MYLK: variants seen among roughly 807,000 people sequenced by gnomAD.
MYLK encodes the protein myosin light chain kinase, smooth muscle.
A neutral mutation model predicts 203.4 loss-of-function variants in MYLK; 106 were observed. That is an observed-to-expected ratio of 0.52 (90% CI 0.45 to 0.61). MYLK has a LOEUF of 0.61. MYLK is among the 20% of genes least tolerant of loss of function. MYLK has a pLI of 0.00. For synonymous variants in MYLK, 867 were observed against 959.5 expected, an observed-to-expected ratio of 0.90 and a Z score of 1.78; for missense variants, 2,072 against 2,442.3, an observed-to-expected ratio of 0.85 and a Z score of 3.20.
intron 4 of MYLK, among the ~76,000 whole-genome samples, chr3:123,767,863 A>G (rs1486836902): frequency 1.3e-5 from 2 of 152,120 alleles, no homozygotes; most frequent in Non-Finnish European, 1.5e-5. Context: ...AGATGACTTT[A>G]TTTTGTGTTG....
chr3:123,682,165 T>G, intron 20 of MYLK, 59 bp downstream of exon 20: 1 of 1,381,222 alleles, frequency 7.2e-7, no homozygotes, highest in Non-Finnish European at 1.0e-6. Context: ...CTGCCCTCAG[T>G]CCCCGGGGTG....
At chr3:123,615,839 G>A (rs1404934195) in intron 33 of MYLK, among the ~76,000 whole-genome samples, 2 of 151,594 alleles carry the variant, frequency 1.3e-5, no homozygotes, top group East Asian at 1.9e-4. Flanking sequence ...TGTAGAGATA[G>A]GGTTTCACCA....
chr3:123,752,717 T>A (rs1002524750), intron 4 of MYLK, among the ~76,000 whole-genome samples, 179 bp from the exon 5 acceptor site: 4 of 152,098 alleles, frequency 2.6e-5, no homozygotes, highest in Non-Finnish European at 4.4e-5. Flanking sequence ...TTTCCCAAGG[T>A]CTCAAAGGTA....
chr3:123,789,210 T>C (rs1159055241), intron 4 of MYLK, among the ~76,000 whole-genome samples: 1 of 151,766 alleles, frequency 6.6e-6, no homozygotes, highest in Non-Finnish European at 1.5e-5. Flanking sequence ...CGCAGTCCTG[T>C]GCACTTCTCG....
chr3:123,840,037 G>A (rs1423237556), intron 2 of MYLK, among the ~76,000 whole-genome samples: 1 of 152,072 alleles, frequency 6.6e-6, no homozygotes, highest in Non-Finnish European at 1.5e-5. Flanking sequence ...AATTTGGGGG[G>A]ATGCAGGAAA....
chr3:123,725,592 A>G (rs1174010936), intron 12 of MYLK, among the ~76,000 whole-genome samples: 3 of 152,212 alleles, frequency 2.0e-5, no homozygotes, highest in Admixed American at 6.5e-5. Context: ...AGGGCCTACT[A>G]TGAGTTTGGC....
rs372405686 is a variant in MYLK, at chr3:123,860,660, C to T, written c.-127+15899G>A. Among the ~76,000 whole-genome samples the T allele has an allele frequency of 3.4e-4, 51 of 152,196 alleles. No individual in the cohort carries two copies. In the South Asian group the frequency reaches 9.3e-3, roughly 28 times the overall value. ...TGAGCCCAAGATGCTGTCACCTTGCCGTGGATCGTTAAAGTACTCAGTGTG... is the reference window on the plus strand; with the variant it reads ...TGAGCCCAAGATGCTGTCACCTTGCTGTGGATCGTTAAAGTACTCAGTGTG... On this transcript the variant is annotated intron_variant, in intron 2 of 33. Transcript: ENST00000360304.
At chr3:123,862,022 G>T (rs1236487201) in intron 2 of MYLK, among the ~76,000 whole-genome samples, 2 of 152,222 alleles carry the variant, frequency 1.3e-5, no homozygotes, top group Non-Finnish European at 2.9e-5. Context: ...CCACTCCAGA[G>T]CTCCAGGCCC....
chr3:123,708,611 C>T, intron 15 of MYLK, 87 bp downstream of exon 15: 1 of 1,502,708 alleles, frequency 6.7e-7, no homozygotes, highest in South Asian at 1.2e-5. Flanking sequence ...ACAAAGTAGC[C>T]TCATGTGGTT....
chr3:123,824,159 A>G (rs1342449059), intron 3 of MYLK, among the ~76,000 whole-genome samples: 1 of 150,070 alleles, frequency 6.7e-6, no homozygotes, highest in Non-Finnish European at 1.5e-5. Context: ...GCGCGATCTC[A>G]GCTCGCCGCA....
At chr3:123,697,110 C>T (rs928663119) in intron 18 of MYLK, among the ~76,000 whole-genome samples, 30 of 152,228 alleles carry the variant, frequency 2.0e-4, no homozygotes, top group Admixed American at 1.0e-3. Context: ...GTGAGTGTGT[C>T]TTCTCCTTCC....
intron 2 of MYLK, among the ~76,000 whole-genome samples, chr3:123,853,559 G>A (rs1054471506): frequency 2.0e-5 from 3 of 152,142 alleles, no homozygotes; most frequent in Admixed American, 1.3e-4. Context: ...GAAGAGAAAT[G>A]TCTATTCCAG....
intron 5 of MYLK, among the ~76,000 whole-genome samples, chr3:123,749,209 G>A (rs1289492914): frequency 6.6e-6 from 1 of 151,742 alleles, no homozygotes; most frequent in African/African-American, 2.4e-5. Context: ...AGCCCAGGAG[G>A]TCGAGGCTGC....
intron 16 of MYLK, among the ~76,000 whole-genome samples, chr3:123,705,712 G>A (rs2061435918): frequency 6.6e-6 from 1 of 152,080 alleles, no homozygotes; most frequent in African/African-American, 2.4e-5. Flanking sequence ...ACTTCCCACA[G>A]CCCTTTGCTT....
At chr3:123,732,858 C>A (rs1301007363) in intron 11 of MYLK, 38 bp downstream of exon 11, 1 of 1,598,040 alleles carries the variant, frequency 6.3e-7, no homozygotes, top group Admixed American at 1.7e-5. Context: ...ATGGTTGTCC[C>A]ACAGAGAATG....
At chr3:123,778,524 A>G (rs1042387360) in intron 4 of MYLK, among the ~76,000 whole-genome samples, 2 of 151,892 alleles carry the variant, frequency 1.3e-5, no homozygotes, top group African/African-American at 4.8e-5. Flanking sequence ...AAAAAAAAAA[A>G]AAAAAAAAAT....
intron 19 of MYLK, chr3:123,691,799 C>G (rs527862736): frequency 6.6e-6 from 1 of 152,364 alleles, no homozygotes; most frequent in South Asian, 2.1e-4. Flanking sequence ...GGGCAAGAAA[C>G]TATTTCCCCA....
intron 3 of MYLK, among the ~76,000 whole-genome samples, chr3:123,812,856 CAG>C (rs981962354): frequency 1.3e-5 from 2 of 152,192 alleles, no homozygotes; most frequent in African/African-American, 4.8e-5. Context: ...CCAAGATGTC[CAG>C]CCAGGCATAT....
At chr3:123,849,405 C>A (rs1162252518) in intron 2 of MYLK, among the ~76,000 whole-genome samples, 1 of 152,096 alleles carries the variant, frequency 6.6e-6, no homozygotes, top group Admixed American at 6.6e-5. Flanking sequence ...ACTACCTAGC[C>A]AACCCAAAGA....
Sources: gnomAD v4.1 joint callset for allele counts (sites outside exome capture counted in the v4.1 genomes callset) on GRCh38, gnomAD v4.1.1 for gene constraint, MANE v1.5 for transcripts, NCBI Gene and HGNC (gene_info 2026-07-23, HGNC 2026-07-21) for gene names.